The following KLHL1 variants were observed in gnomAD, a reference collection of about 807,000 sequenced individuals.
KLHL1 encodes kelch like family member 1.
A neutral mutation model predicts 77.7 loss-of-function variants in KLHL1; 47 were observed. That is an observed-to-expected ratio of 0.60 (90% CI 0.48 to 0.77). The LOEUF (loss-of-function observed/expected upper bound fraction) is 0.77, where lower values mean the gene tolerates loss of function less well. KLHL1 is among the 30% of genes least tolerant of loss of function. The pLI, the probability that KLHL1 is intolerant of heterozygous loss-of-function variation, is 0.00. For missense variants in KLHL1, 925 were observed against 910.8 expected (o/e 1.02, Z -0.20); for synonymous variants, 360 against 325.2 (o/e 1.11, Z -1.15).
intron 4 of KLHL1, among the ~76,000 whole-genome samples, chr13:69,916,488 G>A (rs1378277955): frequency 6.6e-6 from 1 of 151,478 alleles, no homozygotes; most frequent in Non-Finnish European, 1.5e-5. Flanking sequence ...ACTATCGCAA[G>A]GACAAAAAAC....
At chr13:70,060,210 T>A (rs925184045) in intron 1 of KLHL1, among the ~76,000 whole-genome samples, 1 of 152,134 alleles carries the variant, frequency 6.6e-6, no homozygotes, top group African/African-American at 2.4e-5. Context: ...AGAGAAATAA[T>A]GAGACATCAT....
intron 4 of KLHL1, among the ~76,000 whole-genome samples, chr13:69,912,149 T>C (rs1882259771): frequency 6.6e-6 from 1 of 152,176 alleles, no homozygotes. Flanking sequence ...ATCATCCATA[T>C]ATATAATATG....
At chr13:69,780,582 G>A (rs1593822649) in intron 7 of KLHL1, among the ~76,000 whole-genome samples, 1 of 123,086 alleles carries the variant, frequency 8.1e-6, no homozygotes, top group Non-Finnish European at 1.9e-5. Flanking sequence ...GTATTATGCT[G>A]ATTTTTTTTC....
chr13:69,904,585 A>G (rs1881986438), intron 4 of KLHL1, among the ~76,000 whole-genome samples: 1 of 152,180 alleles, frequency 6.6e-6, no homozygotes. Context: ...ACTCATTTTT[A>G]TACATGCTAT....
intron 2 of KLHL1, among the ~76,000 whole-genome samples, chr13:69,968,414 C>T (rs952551935): frequency 1.3e-5 from 2 of 148,826 alleles, no homozygotes; most frequent in Non-Finnish European, 3.0e-5. Context: ...TGCTTAATTG[C>T]GATAGTCACT....
chr13:69,838,100 T>C (rs1293981752), intron 6 of KLHL1, among the ~76,000 whole-genome samples: 1 of 151,546 alleles, frequency 6.6e-6, no homozygotes, highest in African/African-American at 2.4e-5. Context: ...TCTCTATTGA[T>C]TACATCAGTT....
chr13:69,969,439 G>A (rs551213302), intron 2 of KLHL1, among the ~76,000 whole-genome samples: 18 of 152,108 alleles, frequency 1.2e-4, no homozygotes, highest in Admixed American at 2.0e-4. Context: ...CAGATGGTGA[G>A]TTTTATCAAA....
chr13:69,789,460 C>T (rs9564615), intron 7 of KLHL1, among the ~76,000 whole-genome samples: 15 of 151,670 alleles, frequency 9.9e-5, no homozygotes, highest in East Asian at 9.7e-4. Flanking sequence ...TTCCTTGTAA[C>T]GTGATGTGAA....
At chr13:69,955,517 C>T (rs558112184) in intron 3 of KLHL1, among the ~76,000 whole-genome samples, 3 of 151,370 alleles carry the variant, frequency 2.0e-5, no homozygotes, top group South Asian at 2.1e-4. Context: ...CAGTTCTCTA[C>T]AGGACCTGAC....
intron 6 of KLHL1, among the ~76,000 whole-genome samples, chr13:69,818,284 G>T (rs141914108): frequency 0.021 from 3,050 of 142,662 alleles, 105 homozygotes; most frequent in African/African-American, 0.078. Context: ...GCAGTGGCAC[G>T]ATCTCAGCTC....
chr13:69,943,438 C>G (rs966939874), intron 3 of KLHL1, among the ~76,000 whole-genome samples: 4 of 151,870 alleles, frequency 2.6e-5, no homozygotes, highest in Admixed American at 1.3e-4. Context: ...AGCAGATACA[C>G]TGCAGAAAAC....
intron 1 of KLHL1, among the ~76,000 whole-genome samples, chr13:70,071,783 G>C (rs1459718475): frequency 6.6e-6 from 1 of 151,822 alleles, no homozygotes; most frequent in Non-Finnish European, 1.5e-5. Context: ...GGGCTAAATG[G>C]AAACAAAAAT....
intron 3 of KLHL1, among the ~76,000 whole-genome samples, chr13:69,948,944 A>G (rs1377221020): frequency 1.3e-5 from 2 of 151,988 alleles, no homozygotes; most frequent in African/African-American, 4.8e-5. Context: ...AACAATATCA[A>G]TGTCACTCTA....
chr13:69,981,402 G>A (rs1193425207), intron 1 of KLHL1, among the ~76,000 whole-genome samples: 1 of 151,744 alleles, frequency 6.6e-6, no homozygotes, highest in East Asian at 1.9e-4. Flanking sequence ...TTTTCTAAGT[G>A]ATAAGAGTTA....
At chr13:69,971,804 T>G (rs539826923) in intron 2 of KLHL1, among the ~76,000 whole-genome samples, 1 of 152,058 alleles carries the variant, frequency 6.6e-6, no homozygotes, top group African/African-American at 2.4e-5. Flanking sequence ...AGGAAAAACA[T>G]TATGTTTTAT....
chr13:69,944,654 T>C (rs955109878), intron 3 of KLHL1, among the ~76,000 whole-genome samples: 3 of 152,192 alleles, frequency 2.0e-5, no homozygotes, highest in Non-Finnish European at 4.4e-5. Context: ...AATTAATCTA[T>C]AGATGTACTA....
At chr13:69,780,990 T>C (rs527414941) in intron 7 of KLHL1, among the ~76,000 whole-genome samples, 103 of 150,682 alleles carry the variant, frequency 6.8e-4, no homozygotes, top group African/African-American at 2.4e-3. Flanking sequence ...CAGATTATTT[T>C]AGTAAGTAAG....
chr13:69,930,423 A>T (rs1474131643), intron 4 of KLHL1, among the ~76,000 whole-genome samples: 8 of 151,850 alleles, frequency 5.3e-5, no homozygotes. Flanking sequence ...ATCATTGGTC[A>T]CTTAAAAACC....
intron 9 of KLHL1, among the ~76,000 whole-genome samples, chr13:69,710,741 G>A (rs77865165): frequency 0.015 from 2,341 of 152,122 alleles, 53 homozygotes; most frequent in African/African-American, 0.053. Context: ...TCATTTTCAG[G>A]TTATGTTTCT....
Sources: gnomAD v4.1 joint callset for allele counts (sites outside exome capture counted in the v4.1 genomes callset) on GRCh38, gnomAD v4.1.1 for gene constraint, MANE v1.5 for transcripts, NCBI Gene and HGNC (gene_info 2026-07-23, HGNC 2026-07-21) for gene names.